Variants in SPSB4 observed in about 807,000 individuals in gnomAD.
SPSB4 encodes splA/ryanodine receptor domain and SOCS box containing 4, also known as SPRY domain-containing SOCS box protein 4.
A neutral mutation model predicts 20.9 loss-of-function variants in SPSB4; 21 were observed. The ratio of observed to expected loss-of-function variants is 1.01; its 90% CI spans 0.71 to 1.45. The LOEUF is 1.45. Ranked by LOEUF, SPSB4 falls within the 40% of genes most tolerant of loss-of-function variation. The pLI is 0.00. For synonymous variants in SPSB4, 207 were observed against 183.8 expected, an observed-to-expected ratio of 1.13 and a Z score of -1.02; for missense variants, 399 against 399.2, an observed-to-expected ratio of 1.00 and a Z score of 0.00.
intron 2 of SPSB4, among the ~76,000 whole-genome samples, chr3:141,111,384 A>C (rs1176365788): frequency 2.0e-5 from 1 of 50,324 alleles, no homozygotes; most frequent in African/African-American, 9.0e-5. Context: ...TTTTTTTGGT[A>C]AGGGACAATG....
intron 1 of SPSB4, among the ~76,000 whole-genome samples, chr3:141,054,930 A>G (rs1024149075): frequency 6.0e-5 from 9 of 150,726 alleles, no homozygotes; most frequent in Non-Finnish European, 8.8e-5. Flanking sequence ...GCACCACTGC[A>G]CTCCAGCCTG....
chr3:141,143,934 G>C (rs1939373949), intron 2 of SPSB4, among the ~76,000 whole-genome samples: 1 of 152,184 alleles, frequency 6.6e-6, no homozygotes, highest in Non-Finnish European at 1.5e-5. Flanking sequence ...AATGTAAGTA[G>C]ACAATAAAAA....
intron 2 of SPSB4, among the ~76,000 whole-genome samples, chr3:141,102,293 ACAGG>A (rs1344253361): frequency 6.6e-6 from 1 of 152,180 alleles, no homozygotes; most frequent in Non-Finnish European, 1.5e-5. Flanking sequence ...AAGGCAGCGA[ACAGG>A]CAGCCAGGGA....
In SPSB4 at chr3:141,066,506, C is replaced by T; in HGVS notation, c.402C>T (p.Gly134=). 6.6e-7 allele frequency: 1 copy of T among 1,503,992 alleles called. No individual in the cohort carries two copies. 93.2% of individuals were successfully genotyped at this position (1,503,992 alleles called of 1,614,324 possible). The change falls in exon 2 of 3, where the codon GGC becomes GGT. Residue 134 remains glycine, a synonymous_variant. Transcript: ENST00000310546. The part of the protein sequence containing the change: ...LHSVGYTALV[G]SDAESWGWDL... ...CCGTGGGCTACACGGCGCTGGTAGG[C>T]AGTGACGCCGAGTCGTGGGGCTGGG... is the stretch of plus-strand genomic sequence containing the variant.
In SPSB4 at chr3:141,145,382, T is replaced by C. The variant is rs148946126; in HGVS notation, c.695-1760T>C. ...GCATGCTCCCCAAGCCCCACTTTAA[T>C]TTTAATGGCTCCCCTTATTAACTCT... On this transcript the variant is annotated intron_variant, in intron 2 of 2. Coordinates refer to ENST00000310546, the MANE Select transcript of SPSB4 (RefSeq NM_080862.3). Among the ~76,000 whole-genome samples, 288 of 152,288 alleles carry C rather than the reference T, an allele frequency of 1.9e-3. 2 individuals carry two copies. The highest frequency in any genetic ancestry group is 3.5e-3 in the South Asian group (17 of 4,814).
intron 2 of SPSB4, among the ~76,000 whole-genome samples, chr3:141,084,176 G>A (rs1177025059): frequency 6.6e-6 from 1 of 152,196 alleles, no homozygotes; most frequent in Non-Finnish European, 1.5e-5. Flanking sequence ...GTAGGCACAC[G>A]ATAAATACTT....
intron 2 of SPSB4, among the ~76,000 whole-genome samples, chr3:141,069,567 T>G (rs763295512): frequency 6.6e-6 from 1 of 152,168 alleles, no homozygotes; most frequent in Non-Finnish European, 1.5e-5. Flanking sequence ...GCCAACTCTC[T>G]GGGGTTACTT....
At chr3:141,122,051 T>C (rs928332088) in intron 2 of SPSB4, among the ~76,000 whole-genome samples, 1 of 152,228 alleles carries the variant, frequency 6.6e-6, no homozygotes, top group African/African-American at 2.4e-5. Context: ...TCTTTGTGGT[T>C]TTATCTACGT....
rs1179334253 is a variant in SPSB4 at position 141,066,950 on chromosome 3, T to C, written c.694+152T>C. On this transcript the variant is annotated intron_variant, in intron 2 of 2. Transcript: ENST00000310546. ...TTTCAATCCTGACTCTCTGCTGGCT[T>C]GGTGATTTGGGGCTGTGCCTTAGTT... 7 of 765,804 alleles carry C rather than the reference T, an allele frequency of 9.1e-6. No individual in the cohort carries two copies. In the African/African-American group the frequency reaches 1.2e-4, roughly 14 times the overall value. 47.4% of individuals were successfully genotyped at this position (765,804 alleles called of 1,614,324 possible).
chr3:141,065,942 T>C lies in SPSB4; in HGVS notation c.-153-10T>C. ...TGCTGCTATAACCCGTGCCCTTTGC[T>C]TCCTTCCAGGAGCTTGGGCCCCTGC... On this transcript the variant is annotated splice_polypyrimidine_tract_variant and intron_variant, in intron 1 of 2. Coordinates refer to ENST00000310546, the MANE Select transcript of SPSB4 (RefSeq NM_080862.3). The C allele has an allele frequency of 1.7e-6, 1 of 605,214 alleles. No individual in the cohort carries two copies. The highest frequency in any genetic ancestry group is 2.7e-6 in the Non-Finnish European group (1 of 368,066). 37.5% of individuals were successfully genotyped at this position (605,214 alleles called of 1,614,324 possible). A position where few individuals can be genotyped will look rare whatever the true frequency, so the allele number is the denominator to read the frequency against.
chr3:141,052,775 G>A (rs755509315), intron 1 of SPSB4, among the ~76,000 whole-genome samples: 7 of 152,142 alleles, frequency 4.6e-5, no homozygotes, highest in Admixed American at 3.9e-4. Flanking sequence ...CCTAGGCGCA[G>A]GGCTCTGGGA....
At chr3:141,101,036 TG>T (rs1010933012) in intron 2 of SPSB4, among the ~76,000 whole-genome samples, 12 of 152,186 alleles carry the variant, frequency 7.9e-5, no homozygotes, top group African/African-American at 2.9e-4. Context: ...AGCAGAGGGC[TG>T]GGTCCCCCTG....
chr3:141,092,945 T>C (rs1056030706), intron 2 of SPSB4, among the ~76,000 whole-genome samples: 1 of 152,184 alleles, frequency 6.6e-6, no homozygotes, highest in Non-Finnish European at 1.5e-5. Context: ...CTGCTCTTTT[T>C]CTTCTGCCTG....
chr3:141,130,951 A>G (rs566904237), intron 2 of SPSB4, among the ~76,000 whole-genome samples: 205 of 152,350 alleles, frequency 1.3e-3, no homozygotes, highest in Non-Finnish European at 2.5e-3. Flanking sequence ...CCCTGGCTCC[A>G]GGAAATCTTC....
chr3:141,093,607 G>A (rs948910188), intron 2 of SPSB4, among the ~76,000 whole-genome samples: 17 of 152,148 alleles, frequency 1.1e-4, no homozygotes, highest in African/African-American at 3.1e-4. Context: ...TGAAGCTTCC[G>A]GTTCTCCAGA....
At chr3:141,129,687 C>T (rs1209679813) in intron 2 of SPSB4, among the ~76,000 whole-genome samples, 1 of 152,198 alleles carries the variant, frequency 6.6e-6, no homozygotes, top group Non-Finnish European at 1.5e-5. Flanking sequence ...ATCACACTGC[C>T]TTTGTCTTTG....
At chr3:141,143,166 T>G (rs578224202) in intron 2 of SPSB4, among the ~76,000 whole-genome samples, 1 of 152,316 alleles carries the variant, frequency 6.6e-6, no homozygotes, top group South Asian at 2.1e-4. Context: ...TTTTGTCTGT[T>G]ATAAGAATCG....
intron 2 of SPSB4, among the ~76,000 whole-genome samples, chr3:141,142,245 A>G (rs1386875785): frequency 1.3e-5 from 2 of 152,192 alleles, no homozygotes; most frequent in Non-Finnish European, 2.9e-5. Flanking sequence ...TTGTGTCACT[A>G]TTATCGTTCC....
chr3:141,070,451 C>A (rs939818588), intron 2 of SPSB4, among the ~76,000 whole-genome samples: 8 of 152,086 alleles, frequency 5.3e-5, no homozygotes, highest in Admixed American at 6.5e-5. Context: ...TCCCCTCAGC[C>A]TCCTGAGTAG....
Sources: gnomAD v4.1 joint callset for allele counts (sites outside exome capture counted in the v4.1 genomes callset) on GRCh38, gnomAD v4.1.1 for gene constraint, MANE v1.5 for transcripts, NCBI Gene and HGNC (gene_info 2026-07-23, HGNC 2026-07-21) for gene names.